The following FAT3 variants were observed in gnomAD, a reference collection of about 807,000 sequenced individuals.
The protein encoded by FAT3 is protocadherin Fat 3.
Under a neutral mutation model 310.2 loss-of-function variants are expected in FAT3, and 95 were observed. The ratio of observed to expected loss-of-function variants is 0.31; its 90% CI spans 0.26 to 0.36. The LOEUF is 0.36. Ranked by LOEUF, FAT3 falls within the 10% of genes least tolerant of loss-of-function variation. FAT3 has a pLI of 1.00. For synonymous variants in FAT3, 2,314 were observed against 2,192.9 expected (o/e 1.06, Z -1.54); for missense variants, 5,408 against 5,715.6 (o/e 0.95, Z 1.74).
intron 1 of FAT3, among the ~76,000 whole-genome samples, chr11:92,295,709 G>C (rs1946831515): frequency 6.6e-6 from 1 of 152,056 alleles, no homozygotes; most frequent in African/African-American, 2.4e-5. Context: ...ATTTATTAAT[G>C]TTTTTCAGCA....
At chr11:92,634,514 T>C (rs1236486903) in intron 3 of FAT3, among the ~76,000 whole-genome samples, 1 of 152,232 alleles carries the variant, frequency 6.6e-6, no homozygotes, top group Non-Finnish European at 1.5e-5. Flanking sequence ...TGACTGCTTC[T>C]AATAAATCTT....
rs557822693 is a variant in FAT3, at chr11:92,717,552, C to A, written c.3669+20107C>A. ...CCTGACAAGAGACCTCAGTTTGATA[C>A]CACTGTGTTCAAATGGCTGAAAAAT... is the stretch of plus-strand genomic sequence containing the variant. On this transcript the variant is annotated intron_variant, in intron 4 of 27. Coordinates refer to ENST00000525166, the MANE Select transcript of FAT3 (RefSeq NM_001367949.2). Among the ~76,000 whole-genome samples the A allele has an allele frequency of 5.3e-5, 8 of 152,256 alleles. No individual in the cohort carries two copies. In the South Asian group the frequency reaches 1.7e-3, roughly 32 times the overall value.
chr11:92,332,897 A>G (rs1012493927), intron 1 of FAT3, among the ~76,000 whole-genome samples: 1 of 152,048 alleles, frequency 6.6e-6, no homozygotes, highest in Non-Finnish European at 1.5e-5. Context: ...AGTATTTGCT[A>G]TGTTATGTTA....
At chr11:92,250,538 C>T (rs565614550) in intron 1 of FAT3, among the ~76,000 whole-genome samples, 3 of 152,178 alleles carry the variant, frequency 2.0e-5, no homozygotes, top group Admixed American at 1.3e-4. Context: ...CAGTGTTTAA[C>T]AGCTGATTTA....
chr11:92,454,671 A>G (rs1485304797), intron 2 of FAT3, among the ~76,000 whole-genome samples: 1 of 151,994 alleles, frequency 6.6e-6, no homozygotes, highest in Non-Finnish European at 1.5e-5. Flanking sequence ...ATGTTTTAGA[A>G]CTCTGATAGG....
At chr11:92,373,809 CAG>C (rs3221002) in intron 2 of FAT3, among the ~76,000 whole-genome samples, 32 of 133,530 alleles carry the variant, frequency 2.4e-4, no homozygotes, top group Non-Finnish European at 4.3e-4. Flanking sequence ...CACACACACA[CAG>C]AGACATAGAT....
intron 2 of FAT3, among the ~76,000 whole-genome samples, chr11:92,480,908 T>C (rs1039695053): frequency 1.3e-5 from 2 of 152,122 alleles, no homozygotes; most frequent in African/African-American, 2.4e-5. Flanking sequence ...CAGCAAACGT[T>C]TGTTGTGTGA....
chr11:92,753,257 C>T (rs1271550142), intron 4 of FAT3, among the ~76,000 whole-genome samples: 2 of 152,206 alleles, frequency 1.3e-5, no homozygotes, highest in Non-Finnish European at 2.9e-5. Context: ...TAGCCATCAT[C>T]AACCAGCAGA....
intron 3 of FAT3, among the ~76,000 whole-genome samples, chr11:92,600,753 A>G (rs1939978348): frequency 6.6e-6 from 1 of 152,176 alleles, no homozygotes; most frequent in Admixed American, 6.6e-5. Context: ...AGAGAGTGAA[A>G]ACTCCTGGAA....
At chr11:92,761,396 G>T (rs1946147665) in intron 4 of FAT3, among the ~76,000 whole-genome samples, 1 of 152,168 alleles carries the variant, frequency 6.6e-6, no homozygotes. Flanking sequence ...TTGGAAATTA[G>T]GTTTTAACAT....
chr11:92,695,162 G>A (rs999421096), intron 3 of FAT3, among the ~76,000 whole-genome samples: 6 of 152,088 alleles, frequency 3.9e-5, no homozygotes, highest in African/African-American at 1.2e-4. Flanking sequence ...TCATTCTTGG[G>A]CCTGTCTGGT....
rs541231904 is a variant in FAT3 at position 92,773,939 on chromosome 11, CA to C, written c.4196-94del. On this transcript the variant is annotated intron_variant, in intron 6 of 27. Transcript: ENST00000525166. ...AAAATTGAGCCATAGGGATGCCTGT[CA>C]AAAAAAATTTCTGTATAAGAGCTCC... is the stretch of plus-strand genomic sequence containing the variant. The C allele has an allele frequency of 9.3e-4, 1,264 of 1,363,392 alleles. 5 individuals are homozygous for C. The highest frequency in any genetic ancestry group is 5.4e-3 in the South Asian group (362 of 67,418). The allele number at this position is 1,363,392 out of a possible 1,614,324, so 84.5% of individuals were successfully genotyped here.
rs943028445 is a variant in FAT3 at position 92,224,850 on chromosome 11, A to T, written c.-342A>T. On this transcript the variant is annotated 5_prime_UTR_variant, in exon 1 of 28. Coordinates refer to ENST00000525166, the MANE Select transcript of FAT3 (RefSeq NM_001367949.2). ...GCGGCGGCTGCAGCTCGGAGCAGAC[A>T]GGAGAGCCGGCGCTCCTCCCCGCAG... 6.6e-6 allele frequency among the ~76,000 whole-genome samples: 1 copy of T among 151,830 alleles called. No individual in the cohort carries two copies. The highest frequency in any genetic ancestry group is 1.5e-5 in the Non-Finnish European group (1 of 67,916).
chr11:92,889,077 C>T (rs1300823149), intron 25 of FAT3, 112 bp from the exon 26 acceptor site: 13 of 548,958 alleles, frequency 2.4e-5, no homozygotes, highest in Admixed American at 6.1e-5. Context: ...GTTTGCATGC[C>T]GCACCTTCAT....
chr11:92,790,933 GC>G (rs1947025534), intron 8 of FAT3, among the ~76,000 whole-genome samples: 1 of 152,148 alleles, frequency 6.6e-6, no homozygotes, highest in Non-Finnish European at 1.5e-5. Flanking sequence ...TCCTGTCAGA[GC>G]CCCCACTGTG....
chr11:92,269,872 G>T (rs1946076066), intron 1 of FAT3, among the ~76,000 whole-genome samples: 1 of 152,084 alleles, frequency 6.6e-6, no homozygotes, highest in African/African-American at 2.4e-5. Flanking sequence ...GCTTTGAGAA[G>T]TTTTCTATTC....
chr11:92,662,634 T>C (rs539502939), intron 3 of FAT3, among the ~76,000 whole-genome samples: 2 of 152,352 alleles, frequency 1.3e-5, no homozygotes, highest in Admixed American at 6.5e-5. Context: ...ATTTTCCCTC[T>C]TCTTGTGTTC....
intron 1 of FAT3, among the ~76,000 whole-genome samples, chr11:92,335,212 TA>T (rs5793597): frequency 0.37 from 52,755 of 141,484 alleles, 13,290 homozygotes; most frequent in African/African-American, 0.74. Context: ...TTGTTTTTGT[TA>T]AAAAAAAAAA....
At chr11:92,419,201 CT>C (rs762611116) in intron 2 of FAT3, among the ~76,000 whole-genome samples, 9 of 152,066 alleles carry the variant, frequency 5.9e-5, no homozygotes, top group Non-Finnish European at 1.2e-4. Context: ...TTTTATTTTC[CT>C]TATGTAAGTG....
Sources: gnomAD v4.1 joint callset for allele counts (sites outside exome capture counted in the v4.1 genomes callset) on GRCh38, gnomAD v4.1.1 for gene constraint, MANE v1.5 for transcripts, NCBI Gene and HGNC (gene_info 2026-07-23, HGNC 2026-07-21) for gene names.